Variants in CTNNA1 observed in about 807,000 individuals in gnomAD.
CTNNA1 encodes catenin alpha 1.
CTNNA1 carries 37 observed loss-of-function variants against 98.4 expected under a neutral mutation model. That is an observed-to-expected ratio of 0.38 (90% CI 0.29 to 0.49). The LOEUF is 0.49. Among genes scored for constraint, CTNNA1 ranks in the 20% least tolerant of loss-of-function variants. CTNNA1 has a pLI of 0.95. For missense variants in CTNNA1, 761 were observed against 1,147.2 expected (o/e 0.66, Z 4.86); for synonymous variants, 404 against 413.2 (o/e 0.98, Z 0.27).
intron 10 of CTNNA1, among the ~76,000 whole-genome samples, chr5:138,913,083 GTTTT>G (rs970375790): frequency 1.3e-5 from 2 of 149,646 alleles, no homozygotes; most frequent in African/African-American, 2.5e-5. Context: ...CTTTCGTTCA[GTTTT>G]TTTTTGTTTG....
intron 7 of CTNNA1, among the ~76,000 whole-genome samples, chr5:138,860,813 G>A (rs1372254639): frequency 6.6e-6 from 1 of 152,168 alleles, no homozygotes; most frequent in Non-Finnish European, 1.5e-5. Context: ...GAAGTTGACA[G>A]CAAGTGTCAG....
chr5:138,812,834 T>C (rs1561551457), intron 5 of CTNNA1, among the ~76,000 whole-genome samples: 1 of 152,226 alleles, frequency 6.6e-6, no homozygotes, highest in Non-Finnish European at 1.5e-5. Flanking sequence ...TTTTCACTGT[T>C]GGTGTGCTTT....
intron 7 of CTNNA1, among the ~76,000 whole-genome samples, chr5:138,878,567 A>G (rs1053183578): frequency 1.3e-5 from 2 of 152,176 alleles, no homozygotes; most frequent in Non-Finnish European, 2.9e-5. Context: ...CTCTCTGTAA[A>G]TGGTTTTAAG....
chr5:138,919,155 C>T (rs1210253174), intron 11 of CTNNA1, among the ~76,000 whole-genome samples: 1 of 152,148 alleles, frequency 6.6e-6, no homozygotes, highest in Non-Finnish European at 1.5e-5. Context: ...TTGCAGGTGC[C>T]AGAAATGCAG....
intron 9 of CTNNA1, among the ~76,000 whole-genome samples, chr5:138,899,629 C>A (rs1757598450): frequency 6.6e-6 from 1 of 152,328 alleles, no homozygotes; most frequent in Admixed American, 6.5e-5. Context: ...TGAGAGGACC[C>A]TGGCCTTGGC....
At chr5:138,875,060 C>T (rs757386238) in intron 7 of CTNNA1, 43 of 716,714 alleles carry the variant, frequency 6.0e-5, no homozygotes, top group Admixed American at 2.3e-4. Context: ...TCCACCAGGA[C>T]GAGTTGTTTT....
Position 138,934,172 on chromosome 5 carries a change from C to CT in CTNNA1, c.*83_*84insT. 9.8e-7 allele frequency: 1 copy of CT among 1,016,760 alleles called. No homozygotes were observed. The highest frequency in any genetic ancestry group is 1.5e-6 in the Non-Finnish European group (1 of 685,794). The allele number at this position is 1,016,760 out of a possible 1,614,324, so 63.0% of individuals were successfully genotyped here. On this transcript the variant is annotated 3_prime_UTR_variant, in exon 18 of 18. Coordinates refer to ENST00000302763, the MANE Select transcript of CTNNA1 (RefSeq NM_001903.5). ...GTCACTCAAATGAATTTGCTAAATACAACACTGATACTAGATTCCACAGGG... is the reference window on the plus strand; with the variant it reads ...GTCACTCAAATGAATTTGCTAAATACTAACACTGATACTAGATTCCACAGGG...
At chr5:138,782,099 A>G in intron 2 of CTNNA1, 70 bp downstream of exon 2, 1 of 1,445,996 alleles carries the variant, frequency 6.9e-7, no homozygotes, top group Non-Finnish European at 9.4e-7. Flanking sequence ...CAACCATAAG[A>G]GCAAGGTTAT....
intron 7 of CTNNA1, among the ~76,000 whole-genome samples, chr5:138,884,731 C>A (rs991501757): frequency 1.1e-4 from 17 of 152,092 alleles, no homozygotes; most frequent in Non-Finnish European, 2.4e-4. Context: ...CATCCAACTC[C>A]CTCCTTCCCA....
chr5:138,818,379 G>T (rs2149755806), intron 5 of CTNNA1, among the ~76,000 whole-genome samples: 1 of 147,856 alleles, frequency 6.8e-6, no homozygotes, highest in South Asian at 2.2e-4. Context: ...GGGTTCTAGT[G>T]TTAAAGAGTT....
At chr5:138,777,601 A>G (rs1754488407) in intron 1 of CTNNA1, among the ~76,000 whole-genome samples, 1 of 151,822 alleles carries the variant, frequency 6.6e-6, no homozygotes, top group Non-Finnish European at 1.5e-5. Flanking sequence ...TCCGTCTGCA[A>G]TCCCGGCACC....
chr5:138,889,358 C>G (rs1001371334), intron 9 of CTNNA1, among the ~76,000 whole-genome samples: 1 of 152,146 alleles, frequency 6.6e-6, no homozygotes. Context: ...TGTGTATCAG[C>G]TATGTGCAAG....
intron 7 of CTNNA1, among the ~76,000 whole-genome samples, chr5:138,855,059 G>A (rs1446368814): frequency 2.6e-5 from 4 of 152,328 alleles, no homozygotes; most frequent in African/African-American, 7.2e-5. Flanking sequence ...TTTGTTTTGA[G>A]ACGGAGTCTC....
At chr5:138,858,252 G>T (rs1763907445) in intron 7 of CTNNA1, among the ~76,000 whole-genome samples, 1 of 151,622 alleles carries the variant, frequency 6.6e-6, no homozygotes, top group South Asian at 2.1e-4. Flanking sequence ...TCAGCCTCCT[G>T]AGTAGCTAGC....
In CTNNA1 at chr5:138,825,482, G is replaced by GTTTTT. The variant is rs756586452; in HGVS notation, c.858+695_858+699dup. Among the ~76,000 whole-genome samples the GTTTTT allele has an allele frequency of 2.6e-3, 189 of 74,116 alleles. 14 individuals are homozygous for GTTTTT. The highest frequency in any genetic ancestry group is 0.013 in the East Asian group (24 of 1,782). 48.6% of individuals were successfully genotyped at this position (74,116 alleles called of 152,430 possible). On this transcript the variant is annotated intron_variant, in intron 6 of 17. Coordinates refer to ENST00000302763, the MANE Select transcript of CTNNA1 (RefSeq NM_001903.5). ...CTTCCAGTAGATGGCAGCAGTATAA[G>GTTTTT]TTTTTTTTTTTTTTTTAGGGCTTTA...
intron 11 of CTNNA1, among the ~76,000 whole-genome samples, chr5:138,922,590 G>A (rs1763143429): frequency 6.6e-6 from 1 of 152,134 alleles, no homozygotes; most frequent in African/African-American, 2.4e-5. Flanking sequence ...ACAGATTGTT[G>A]TGTCTACTCA....
At chr5:138,916,507 C>T (rs1172482749) in intron 10 of CTNNA1, among the ~76,000 whole-genome samples, 2 of 150,856 alleles carry the variant, frequency 1.3e-5, no homozygotes, top group Non-Finnish European at 2.9e-5. Context: ...GGATTACGAG[C>T]TCGAGCCACC....
intron 7 of CTNNA1, among the ~76,000 whole-genome samples, chr5:138,834,926 A>G (rs1227995111): frequency 6.6e-6 from 1 of 152,110 alleles, no homozygotes; most frequent in Non-Finnish European, 1.5e-5. Context: ...TAGGTTTGGG[A>G]TAGGCAGTGG....
At chr5:138,803,557 G>T (rs2149710884) in intron 3 of CTNNA1, among the ~76,000 whole-genome samples, 1 of 152,268 alleles carries the variant, frequency 6.6e-6, no homozygotes. Context: ...CTTCTTCGTT[G>T]TCTTGTGCTA....
Sources: allele counts gnomAD v4.1 joint callset (sites outside exome capture counted in the v4.1 genomes callset), GRCh38; gene constraint gnomAD v4.1.1; transcripts MANE v1.5; gene names NCBI Gene and HGNC (gene_info 2026-07-23, HGNC 2026-07-21).